MIPOL1: variants seen among roughly 807,000 people sequenced by gnomAD.
MIPOL1 encodes the protein mirror-image polydactyly gene 1 protein.
A neutral mutation model predicts 60.9 loss-of-function variants in MIPOL1; 57 were observed. That is an observed-to-expected ratio of 0.94 (90% CI 0.76 to 1.17). MIPOL1 has a LOEUF of 1.17. Among genes scored for constraint, MIPOL1 ranks in the 50% most tolerant of loss-of-function variants. The pLI, the probability that MIPOL1 is intolerant of heterozygous loss-of-function variation, is 0.00. For missense variants in MIPOL1, 551 were observed against 511.6 expected, an observed-to-expected ratio of 1.08 and a Z score of -0.74; for synonymous variants, 179 against 168.8, an observed-to-expected ratio of 1.06 and a Z score of -0.47.
chr14:37,422,746 GT>G (rs112737768), intron 10 of MIPOL1, 108 bp from the exon 11 acceptor site: 22,950 of 522,664 alleles, frequency 0.044, 4 homozygotes, highest in South Asian at 0.06. Flanking sequence ...ACATTCATAG[GT>G]TTTTTTTTTT....
intron 11 of MIPOL1, among the ~76,000 whole-genome samples, chr14:37,463,216 AT>A (rs1204701814): frequency 1.3e-5 from 2 of 152,146 alleles, no homozygotes; most frequent in East Asian, 1.9e-4. Flanking sequence ...GCAAACTCCC[AT>A]TTTTAAAACC....
chr14:37,324,635 T>G (rs922471904), intron 9 of MIPOL1, among the ~76,000 whole-genome samples: 2 of 152,104 alleles, frequency 1.3e-5, no homozygotes, highest in African/African-American at 4.8e-5. Context: ...CATTTCAAGT[T>G]TGCAAAGCTG....
In MIPOL1 at chr14:37,379,480, A is replaced by G. The variant is rs1160763867; in HGVS notation, c.936+9856A>G. 1.9e-4 allele frequency among the ~76,000 whole-genome samples: 29 copies of G among 152,132 alleles called. 1 individual carries two copies. Among genetic ancestry groups the G allele is most frequent in the Admixed American group, 1.9e-3 (29 of 15,256 alleles). On this transcript the variant is annotated intron_variant, in intron 10 of 12. Transcript: ENST00000684589. ...CAGTTAAGCTGGGCCTAATAAAAAT[A>G]TAAAACTTCTGTGTTTTAAAGTATA...
intron 10 of MIPOL1, among the ~76,000 whole-genome samples, chr14:37,383,047 G>T (rs2092968060): frequency 6.6e-6 from 1 of 151,606 alleles, no homozygotes; most frequent in East Asian, 1.9e-4. Context: ...CACCCTCTTG[G>T]AGTTTTGATA....
chr14:37,256,737 T>C (rs964816276), intron 3 of MIPOL1, among the ~76,000 whole-genome samples: 2 of 110,432 alleles, frequency 1.8e-5, no homozygotes, highest in Admixed American at 9.1e-5. Context: ...CTCTTGAGAA[T>C]GCAGTAGAAA....
At chr14:37,399,320 A>T (rs556895397) in intron 10 of MIPOL1, among the ~76,000 whole-genome samples, 1 of 152,274 alleles carries the variant, frequency 6.6e-6, no homozygotes, top group African/African-American at 2.4e-5. Context: ...TACTTGCCCT[A>T]TGAGATTCCA....
At chr14:37,272,924 A>G (rs2083401633) in intron 6 of MIPOL1, among the ~76,000 whole-genome samples, 1 of 151,460 alleles carries the variant, frequency 6.6e-6, no homozygotes, top group Admixed American at 6.6e-5. Flanking sequence ...CTGTCTATAG[A>G]TTTTAAAAAT....
rs576509938 is a variant in MIPOL1 at position 37,390,537 on chromosome 14, CA to C, written c.936+20919del. 3.3e-3 allele frequency among the ~76,000 whole-genome samples: 499 copies of C among 151,566 alleles called. 6 individuals are homozygous for C. The highest frequency in any genetic ancestry group is 5.0e-3 in the Non-Finnish European group (337 of 67,856). On this transcript the variant is annotated intron_variant, in intron 10 of 12. Coordinates refer to ENST00000684589, the MANE Select transcript of MIPOL1 (RefSeq NM_001388067.1). ...TTACAATAGCTATAATGAAAATATT[CA>C]AAAAAGTAGGAGAAATAAGAGAAAA...
At chr14:37,292,366 G>A (rs1161037418) in intron 7 of MIPOL1, among the ~76,000 whole-genome samples, 1 of 150,110 alleles carries the variant, frequency 6.7e-6, no homozygotes, top group Non-Finnish European at 1.5e-5. Flanking sequence ...ATTCATAGTT[G>A]TCACATCATT....
intron 9 of MIPOL1, among the ~76,000 whole-genome samples, chr14:37,353,643 A>C (rs1368076903): frequency 6.6e-6 from 1 of 151,148 alleles, no homozygotes. Context: ...GGGAGAGTGT[A>C]TGTGTCCAGG....
intron 1 of MIPOL1, among the ~76,000 whole-genome samples, chr14:37,221,476 A>G (rs1315849505): frequency 6.6e-6 from 1 of 152,102 alleles, no homozygotes; most frequent in Non-Finnish European, 1.5e-5. Context: ...GGTACCTGAG[A>G]CTGGATAATT....
intron 11 of MIPOL1, among the ~76,000 whole-genome samples, chr14:37,468,419 T>G (rs2094631011): frequency 6.6e-6 from 1 of 152,208 alleles, no homozygotes; most frequent in South Asian, 2.1e-4. Flanking sequence ...TACTTTTCTT[T>G]CTTTCATTTC....
At chr14:37,515,124 G>A (rs2095359386) in intron 12 of MIPOL1, among the ~76,000 whole-genome samples, 1 of 152,066 alleles carries the variant, frequency 6.6e-6, no homozygotes, top group African/African-American at 2.4e-5. Flanking sequence ...CATAAACATT[G>A]TCCATAGATT....
chr14:37,319,079 G>C (rs1451846498), intron 9 of MIPOL1, among the ~76,000 whole-genome samples: 1 of 152,024 alleles, frequency 6.6e-6, no homozygotes, highest in Non-Finnish European at 1.5e-5. Flanking sequence ...GGGCTCAAGC[G>C]ATCTACCTGC....
At chr14:37,316,024 A>T (rs1181092926) in intron 9 of MIPOL1, among the ~76,000 whole-genome samples, 1 of 73,780 alleles carries the variant, frequency 1.4e-5, no homozygotes, top group Non-Finnish European at 2.5e-5. Flanking sequence ...TTATTTATTT[A>T]TTTAATTTTT....
intron 11 of MIPOL1, among the ~76,000 whole-genome samples, chr14:37,496,412 A>AGG (rs1474272637): frequency 2.7e-5 from 4 of 147,386 alleles, no homozygotes; most frequent in Non-Finnish European, 4.5e-5. Flanking sequence ...CCATTGTCTC[A>AGG]GCCCAAAACC....
Position 37,293,814 on chromosome 14 carries a change from G to A in MIPOL1, c.623+8367G>A, listed in dbSNP as rs532867843. Reference sequence around the variant, plus strand: ...AGTAGGTAAACAAAGTGGCTGGGAAGCTCGAACTGGGTGGGGCCCACCACA... The same window carrying A: ...AGTAGGTAAACAAAGTGGCTGGGAAACTCGAACTGGGTGGGGCCCACCACA... On this transcript the variant is annotated intron_variant, in intron 7 of 12. Transcript: ENST00000684589. Among the ~76,000 whole-genome samples the A allele has an allele frequency of 1.3e-4, 20 of 152,330 alleles. No individual in the cohort carries two copies. In the East Asian group the frequency reaches 1.9e-3, roughly 15 times the overall value.
chr14:37,441,954 G>A (rs2094253319), intron 11 of MIPOL1, among the ~76,000 whole-genome samples: 1 of 152,068 alleles, frequency 6.6e-6, no homozygotes, highest in East Asian at 1.9e-4. Context: ...TCTGTGTTTT[G>A]TAATTCCCCT....
intron 10 of MIPOL1, among the ~76,000 whole-genome samples, chr14:37,387,528 C>G (rs2093106624): frequency 2.0e-5 from 3 of 151,852 alleles, no homozygotes; most frequent in Admixed American, 2.0e-4. Flanking sequence ...AATCATGAAA[C>G]CTGATACAGT....
Sources: gnomAD v4.1 joint callset for allele counts (sites outside exome capture counted in the v4.1 genomes callset) on GRCh38, gnomAD v4.1.1 for gene constraint, MANE v1.5 for transcripts, NCBI Gene and HGNC (gene_info 2026-07-23, HGNC 2026-07-21) for gene names.